PARD3: variants seen among roughly 807,000 people sequenced by gnomAD.
The protein encoded by PARD3 is partitioning defective 3 homolog.
PARD3 carries 75 observed loss-of-function variants against 155.4 expected under a neutral mutation model. That is an observed-to-expected ratio of 0.48 (90% CI 0.40 to 0.58). The LOEUF (loss-of-function observed/expected upper bound fraction) is 0.58, where lower values mean the gene tolerates loss of function less well. Ranked by LOEUF, PARD3 falls within the 20% of genes least tolerant of loss-of-function variation. The pLI is 0.00. For synonymous variants in PARD3, 576 were observed against 610.5 expected, an observed-to-expected ratio of 0.94 and a Z score of 0.83; for missense variants, 1,642 against 1,721.7, an observed-to-expected ratio of 0.95 and a Z score of 0.82.
intron 22 of PARD3, among the ~76,000 whole-genome samples, chr10:34,243,255 C>T (rs917745848): frequency 2.6e-5 from 4 of 152,126 alleles, no homozygotes; most frequent in Non-Finnish European, 5.9e-5. Context: ...TCTCATCCCA[C>T]CTGATGCCCA....
intron 2 of PARD3, among the ~76,000 whole-genome samples, chr10:34,665,134 ACAAT>A (rs976704945): frequency 1.1e-4 from 16 of 152,336 alleles, no homozygotes; most frequent in East Asian, 3.9e-4. Flanking sequence ...CATGCCTAAT[ACAAT>A]CAAAGTTATT....
In PARD3 at chr10:34,527,487, G is replaced by A. The variant is rs548562070; in HGVS notation, c.223-10328C>T. On this transcript the variant is annotated intron_variant, in intron 2 of 24. Transcript: ENST00000374788. ...TTCAGATGATTCTATTAAGACATGG[G>A]CTGGAGTGGGGAGGGTAGATAGAGA... Among the ~76,000 whole-genome samples, 7 of 152,284 alleles carry A rather than the reference G, an allele frequency of 4.6e-5. No individual in the cohort carries two copies. In the South Asian group the frequency reaches 1.5e-3, roughly 32 times the overall value.
At chr10:34,289,765 C>T (rs1448989694) in intron 20 of PARD3, among the ~76,000 whole-genome samples, 3 of 152,140 alleles carry the variant, frequency 2.0e-5, no homozygotes, top group Non-Finnish European at 4.4e-5. Context: ...ATTCAGCTAA[C>T]GTAATCTCAA....
chr10:34,611,621 G>A (rs898489483), intron 2 of PARD3, among the ~76,000 whole-genome samples: 15 of 151,984 alleles, frequency 9.9e-5, no homozygotes, highest in South Asian at 4.2e-4. Context: ...AAGGCAAATC[G>A]GAATACAATT....
At chr10:34,359,480 G>A (rs894557042) in intron 13 of PARD3, among the ~76,000 whole-genome samples, 163 bp from the exon 14 acceptor site, 9 of 151,108 alleles carry the variant, frequency 6.0e-5, no homozygotes, top group African/African-American at 1.9e-4. Flanking sequence ...GCATAATAAC[G>A]TCTAAGCAGC....
intron 1 of PARD3, among the ~76,000 whole-genome samples, chr10:34,716,893 C>T (rs1285377897): frequency 6.6e-6 from 1 of 152,054 alleles, no homozygotes; most frequent in African/African-American, 2.4e-5. Context: ...CACCCAGCCT[C>T]AGGATGGCTT....
intron 2 of PARD3, among the ~76,000 whole-genome samples, chr10:34,648,097 G>A (rs368817041): frequency 5.9e-5 from 9 of 152,122 alleles, no homozygotes; most frequent in East Asian, 1.9e-4. Context: ...ATCGCCATGC[G>A]GCCTGCACAT....
intron 2 of PARD3, among the ~76,000 whole-genome samples, chr10:34,633,187 T>C (rs1443896540): frequency 6.6e-6 from 1 of 152,134 alleles, no homozygotes; most frequent in Non-Finnish European, 1.5e-5. Context: ...CATATGAAAT[T>C]TACTCTCAGC....
intron 2 of PARD3, among the ~76,000 whole-genome samples, chr10:34,641,542 G>A (rs940905859): frequency 6.6e-6 from 1 of 152,172 alleles, no homozygotes; most frequent in African/African-American, 2.4e-5. Context: ...AAATCTCAGG[G>A]CCTGGAGGAA....
At chr10:34,812,035 A>G (rs537664757) in intron 1 of PARD3, among the ~76,000 whole-genome samples, 8 of 152,212 alleles carry the variant, frequency 5.3e-5, no homozygotes, top group Admixed American at 1.3e-4. Flanking sequence ...AAGAAATGTC[A>G]CACATGACTA....
At chr10:34,634,012 G>A (rs182345338) in intron 2 of PARD3, among the ~76,000 whole-genome samples, 1 of 152,302 alleles carries the variant, frequency 6.6e-6, no homozygotes, top group East Asian at 1.9e-4. Flanking sequence ...GTTCCAGCCT[G>A]AGTCCTCTGA....
chr10:34,366,588 G>A (rs1260447669), intron 12 of PARD3, among the ~76,000 whole-genome samples: 1 of 152,024 alleles, frequency 6.6e-6, no homozygotes, highest in African/African-American at 2.4e-5. Context: ...ATAGCGTCAC[G>A]CAGAATAGAA....
chr10:34,535,312 A>G (rs1157909947), intron 2 of PARD3, among the ~76,000 whole-genome samples: 1 of 152,188 alleles, frequency 6.6e-6, no homozygotes, highest in East Asian at 1.9e-4. Flanking sequence ...TCGCCATCAG[A>G]GAACGCTGTC....
rs531942132 is a variant in PARD3 at position 34,710,482 on chromosome 10, C to A, written c.121-14063G>T. On this transcript the variant is annotated intron_variant, in intron 1 of 24. Coordinates refer to ENST00000374788, the MANE Select transcript of PARD3 (RefSeq NM_001184785.2). ...AATGACTGTCCAATTCACTTCTAGA[C>A]CCCATCTCTTCAATCCTGTGCCACA... 7.9e-5 allele frequency among the ~76,000 whole-genome samples: 12 copies of A among 152,196 alleles called. No homozygotes were observed. In the South Asian group the frequency reaches 2.5e-3, roughly 32 times the overall value.
At chr10:34,193,872 T>C (rs572245044) in intron 22 of PARD3, among the ~76,000 whole-genome samples, 2 of 152,336 alleles carry the variant, frequency 1.3e-5, no homozygotes, top group South Asian at 2.1e-4. Flanking sequence ...TGGTTTTCAA[T>C]GCCCTGAATT....
chr10:34,306,695 G>T (rs901348659), intron 20 of PARD3, among the ~76,000 whole-genome samples: 1 of 152,120 alleles, frequency 6.6e-6, no homozygotes, highest in Non-Finnish European at 1.5e-5. Flanking sequence ...TAGATCCATG[G>T]AGCATGAAAG....
At chr10:34,690,938 C>T (rs1305374205) in intron 2 of PARD3, among the ~76,000 whole-genome samples, 3 of 152,118 alleles carry the variant, frequency 2.0e-5, no homozygotes, top group East Asian at 3.9e-4. Context: ...CACAGCCGAG[C>T]GCAGTGGCTC....
chr10:34,436,276 G>C (rs946157113), intron 5 of PARD3, among the ~76,000 whole-genome samples: 5 of 152,212 alleles, frequency 3.3e-5, no homozygotes, highest in Non-Finnish European at 5.9e-5. Flanking sequence ...TTGGAGGAAA[G>C]GGGAAGGTTT....
intron 22 of PARD3, among the ~76,000 whole-genome samples, chr10:34,220,115 G>T (rs936892519): frequency 6.6e-6 from 1 of 152,024 alleles, no homozygotes. Context: ...AATTATTAAC[G>T]CTGGGTTTCA....
Sources: allele counts gnomAD v4.1 joint callset (sites outside exome capture counted in the v4.1 genomes callset), GRCh38; gene constraint gnomAD v4.1.1; transcripts MANE v1.5; gene names NCBI Gene and HGNC (gene_info 2026-07-23, HGNC 2026-07-21).